The following HS3ST2 variants were observed in gnomAD, a reference collection of about 807,000 sequenced individuals.
HS3ST2 encodes the protein heparan sulfate glucosamine 3-O-sulfotransferase 2.
HS3ST2 carries 17 observed loss-of-function variants against 26.3 expected under a neutral mutation model. The observed-to-expected ratio is 0.65, with a 90% CI of 0.44 to 0.97. The LOEUF (loss-of-function observed/expected upper bound fraction) is 0.97, where lower values mean the gene tolerates loss of function less well. HS3ST2 is among the 50% of genes least tolerant of loss of function. The pLI, the probability that HS3ST2 is intolerant of heterozygous loss-of-function variation, is 0.00. For synonymous variants in HS3ST2, 237 were observed against 219.2 expected, an observed-to-expected ratio of 1.08 and a Z score of -0.72; for missense variants, 402 against 501.2, an observed-to-expected ratio of 0.80 and a Z score of 1.89.
chr16:22,892,203 T>C (rs563355974), intron 1 of HS3ST2, among the ~76,000 whole-genome samples: 2 of 147,254 alleles, frequency 1.4e-5, no homozygotes, highest in African/African-American at 5.1e-5. Context: ...GGCAGGAGAA[T>C]GGGGTGAACC....
At chr16:22,891,875 CT>C (rs1902134537) in intron 1 of HS3ST2, among the ~76,000 whole-genome samples, 1 of 152,092 alleles carries the variant, frequency 6.6e-6, no homozygotes, top group Admixed American at 6.5e-5. Flanking sequence ...TGTACTGAAG[CT>C]TCCTATTTCG....
At chr16:22,868,238 G>A (rs1197790150) in intron 1 of HS3ST2, among the ~76,000 whole-genome samples, 3 of 151,682 alleles carry the variant, frequency 2.0e-5, no homozygotes, top group Non-Finnish European at 2.9e-5. Context: ...GTGAAACCCC[G>A]TCTCTACTAA....
At chr16:22,832,941 G>A (rs534519647) in intron 1 of HS3ST2, among the ~76,000 whole-genome samples, 1 of 151,780 alleles carries the variant, frequency 6.6e-6, no homozygotes, top group Non-Finnish European at 1.5e-5. Flanking sequence ...AAACCTTCCT[G>A]ATGCATGCTG....
chr16:22,900,264 C>T (rs1902265564), intron 1 of HS3ST2, among the ~76,000 whole-genome samples: 1 of 152,202 alleles, frequency 6.6e-6, no homozygotes, highest in African/African-American at 2.4e-5. Context: ...CTCTGATTGA[C>T]TAATGGAGAC....
intron 1 of HS3ST2, among the ~76,000 whole-genome samples, chr16:22,912,937 C>T (rs1253047892): frequency 6.6e-6 from 1 of 151,982 alleles, no homozygotes; most frequent in Non-Finnish European, 1.5e-5. Context: ...GCCCTGCCTC[C>T]GGAGTCTAGA....
chr16:22,885,783 T>C (rs957873146), intron 1 of HS3ST2, among the ~76,000 whole-genome samples: 2 of 152,086 alleles, frequency 1.3e-5, no homozygotes, highest in African/African-American at 4.8e-5. Flanking sequence ...CTGAAGATGC[T>C]CCTCTGCTGG....
intron 1 of HS3ST2, among the ~76,000 whole-genome samples, chr16:22,831,069 C>T (rs890900548): frequency 6.6e-6 from 1 of 152,242 alleles, no homozygotes; most frequent in Middle Eastern, 3.4e-3. Flanking sequence ...AGAGAGAGAT[C>T]AAAAACTATT....
At chr16:22,861,627 A>G (rs1316717013) in intron 1 of HS3ST2, among the ~76,000 whole-genome samples, 1 of 152,146 alleles carries the variant, frequency 6.6e-6, no homozygotes, top group Non-Finnish European at 1.5e-5. Flanking sequence ...GACTAAAAGA[A>G]ACACAATTTT....
At chr16:22,822,369 T>C (rs1303000158) in intron 1 of HS3ST2, among the ~76,000 whole-genome samples, 1 of 152,094 alleles carries the variant, frequency 6.6e-6, no homozygotes, top group East Asian at 1.9e-4. Flanking sequence ...GGTCTTGTTT[T>C]GTTGCCCAGG....
At chr16:22,895,600 C>T (rs1038139654) in intron 1 of HS3ST2, among the ~76,000 whole-genome samples, 1 of 151,970 alleles carries the variant, frequency 6.6e-6, no homozygotes, top group African/African-American at 2.4e-5. Flanking sequence ...CAAATGTTCT[C>T]GTTGTTGTCA....
intron 1 of HS3ST2, among the ~76,000 whole-genome samples, chr16:22,856,798 T>A (rs566497882): frequency 1.3e-5 from 2 of 152,292 alleles, no homozygotes; most frequent in East Asian, 3.9e-4. Flanking sequence ...ACCTGGATTT[T>A]AATTCTGACT....
At chr16:22,852,554 C>T (rs765217410) in intron 1 of HS3ST2, among the ~76,000 whole-genome samples, 1 of 152,114 alleles carries the variant, frequency 6.6e-6, no homozygotes, top group South Asian at 2.1e-4. Context: ...CACCTTGGAC[C>T]CCAAAGATTC....
At chr16:22,885,603 G>A (rs1902049179) in intron 1 of HS3ST2, among the ~76,000 whole-genome samples, 1 of 151,832 alleles carries the variant, frequency 6.6e-6, no homozygotes, top group South Asian at 2.1e-4. Context: ...TTACAGGCGT[G>A]CGCCACCACG....
intron 1 of HS3ST2, among the ~76,000 whole-genome samples, chr16:22,906,000 C>T (rs1402554354): frequency 6.6e-6 from 1 of 152,044 alleles, no homozygotes; most frequent in East Asian, 1.9e-4. Flanking sequence ...TTAAAGGACA[C>T]GTGGCTAAAG....
Position 22,853,545 on chromosome 16 carries a change from C to G in HS3ST2, c.485+38450C>G, listed in dbSNP as rs553139798. On this transcript the variant is annotated intron_variant, in intron 1 of 1. Transcript: ENST00000261374. ...CATCTACATCTTCCCCTCTTCCTCC[C>G]CTCACTCCCATGATAATGATAAGTG... Among the ~76,000 whole-genome samples the G allele has an allele frequency of 3.3e-5, 5 of 152,250 alleles. No individual in the cohort carries two copies. The East Asian group carries it at 9.7e-4, about 29-fold the overall frequency.
chr16:22,858,998 T>G (rs762326429), intron 1 of HS3ST2, among the ~76,000 whole-genome samples: 1 of 152,098 alleles, frequency 6.6e-6, no homozygotes, highest in African/African-American at 2.4e-5. Flanking sequence ...AGACCCTGTC[T>G]CTACAAAAAA....
intron 1 of HS3ST2, among the ~76,000 whole-genome samples, chr16:22,883,300 G>T (rs1167003246): frequency 6.6e-6 from 1 of 152,220 alleles, no homozygotes; most frequent in African/African-American, 2.4e-5. Context: ...CAGTCTGAGG[G>T]TTTAAACCCT....
intron 1 of HS3ST2, among the ~76,000 whole-genome samples, chr16:22,836,017 GA>G (rs894382009): frequency 9.4e-5 from 14 of 148,768 alleles, no homozygotes; most frequent in East Asian, 2.0e-4. Context: ...CTTATTCTTT[GA>G]AAAAAAAATA....
intron 1 of HS3ST2, among the ~76,000 whole-genome samples, chr16:22,883,623 A>G (rs1902022472): frequency 6.6e-6 from 1 of 152,234 alleles, no homozygotes; most frequent in Admixed American, 6.5e-5. Context: ...TTGAAGGCAA[A>G]ATATTACACG....
Sources: allele counts gnomAD v4.1 joint callset (sites outside exome capture counted in the v4.1 genomes callset), GRCh38; gene constraint gnomAD v4.1.1; transcripts MANE v1.5; gene names NCBI Gene and HGNC (gene_info 2026-07-23, HGNC 2026-07-21).